PELP1: variants seen among roughly 807,000 people sequenced by gnomAD.
PELP1 encodes the protein proline, glutamate and leucine rich protein 1.
A neutral mutation model predicts 95.5 loss-of-function variants in PELP1; 32 were observed. That is an observed-to-expected ratio of 0.34 (90% CI 0.25 to 0.45). The LOEUF is 0.45. PELP1 is among the 20% of genes least tolerant of loss of function. PELP1 has a pLI of 1.00. For missense variants in PELP1, 1,358 were observed against 1,444.8 expected (o/e 0.94, Z 0.97); for synonymous variants, 668 against 600.1 (o/e 1.11, Z -1.65).
In PELP1 at chr17:4,675,259, C is replaced by T; in HGVS notation, c.1157+15G>A. On this transcript the variant is annotated intron_variant, in intron 10 of 16. Coordinates refer to ENST00000572293, the MANE Select transcript of PELP1 (RefSeq NM_014389.3). This position sits in a 1 kb window ranked among gnomAD's most constrained non-coding sequence, Gnocchi z 4.3. The stretch of plus-strand genomic sequence containing the variant: ...CGCCCTATCCCTTCACCACAGCCAG[C>T]CCAATCCCACTCACGCGAGGATGAG... 2 of 1,587,830 alleles carry T rather than the reference C, an allele frequency of 1.3e-6. No homozygotes were observed. The highest frequency in any genetic ancestry group is 2.3e-5 in the East Asian group (1 of 43,454).
rs914083113 is a variant in PELP1 at position 4,672,372 on chromosome 17, G to A, written c.2619C>T (p.Ala873=). ...EGTPGGGGPP[A]LEEDLTVINI... is the part of the protein sequence containing the mutation. The stretch of plus-strand genomic sequence containing the variant: ...TAATAACTGTCAAATCCTCTTCCAG[G>A]GCTGGGGGTCCTCCCCCACCAGGAG... The change falls in exon 16 of 17, where the codon GCC becomes GCT. Residue 873 remains alanine (A), a synonymous_variant. Coordinates refer to ENST00000572293, the MANE Select transcript of PELP1 (RefSeq NM_014389.3). 7.1e-6 allele frequency: 11 copies of A among 1,553,904 alleles called. No homozygotes were observed. The highest frequency in any genetic ancestry group is 9.6e-6 in the Non-Finnish European group (11 of 1,148,280).
intron 7 of PELP1, 73 bp from the exon 8 acceptor site, chr17:4,676,235 T>C (rs1434344267): frequency 6.3e-7 from 1 of 1,593,084 alleles, no homozygotes; most frequent in Admixed American, 1.7e-5. Context: ...GTGGACGACC[T>C]GCCTGTATTC....
chr17:4,693,548 G>C (rs1951242889), intron 1 of PELP1, among the ~76,000 whole-genome samples: 1 of 152,058 alleles, frequency 6.6e-6, no homozygotes, highest in Non-Finnish European at 1.5e-5. Flanking sequence ...TTACGCTTTG[G>C]GCCATTATGA....
chr17:4,676,237 C>A, intron 7 of PELP1, 75 bp from the exon 8 acceptor site: 1 of 1,591,468 alleles, frequency 6.3e-7, no homozygotes. Context: ...GGACGACCTG[C>A]CTGTATTCTA....
intron 1 of PELP1, among the ~76,000 whole-genome samples, chr17:4,701,781 A>G (rs1010450838): frequency 2.0e-5 from 3 of 152,238 alleles, no homozygotes; most frequent in Non-Finnish European, 4.4e-5. Context: ...TACGTAAAAC[A>G]TAACAGATAC....
chr17:4,673,621 T>C lies in PELP1; in HGVS notation c.1636A>G (p.Arg546Gly). Reference protein sequence around the residue: ...CGPLIKEETHRRLHDLVLPLV... With the variant: ...CGPLIKEETHGRLHDLVLPLV... ...CACGGAGACGAGGCTCCACTAACCCTGTGAGTCTCCTCCTTGATGAGAGGC... is the reference window on the plus strand; with the variant it reads ...CACGGAGACGAGGCTCCACTAACCCCGTGAGTCTCCTCCTTGATGAGAGGC... Residue 546 changes from arginine to glycine, a missense_variant and splice_region_variant, in exon 14 of 17, where the codon AGG becomes GGG. Physicochemically the swap from Arg to Gly is moderately radical, Grantham distance 125. Coordinates refer to ENST00000572293, the MANE Select transcript of PELP1 (RefSeq NM_014389.3). The surrounding 1 kb of genome is among the most constrained non-coding windows in gnomAD (Gnocchi z 5.7). The C allele has an allele frequency of 6.2e-7, 1 of 1,613,416 alleles. No individual in the cohort carries two copies. Among genetic ancestry groups the C allele is most frequent in the Middle Eastern group, 1.7e-4 (1 of 6,060 alleles).
chr17:4,671,282 C>T lies in PELP1; in HGVS notation c.*157G>A. ...CTCTGGATCGTCAAAAAGAGGACAG[C>T]TATGGAGACATCTGGGGAATACTAT... On this transcript the variant is annotated 3_prime_UTR_variant, in exon 17 of 17. Transcript: ENST00000572293. 3.2e-6 allele frequency: 2 copies of T among 624,628 alleles called. No individual in the cohort carries two copies. The highest frequency in any genetic ancestry group is 3.8e-5 in the South Asian group (2 of 52,996). The allele number at this position is 624,628 out of a possible 1,614,324, so 38.7% of individuals were successfully genotyped here. A position where few individuals can be genotyped will look rare whatever the true frequency, so the allele number is the denominator to read the frequency against.
At chr17:4,685,899 C>T (rs532493026) in intron 3 of PELP1, among the ~76,000 whole-genome samples, 14 of 152,132 alleles carry the variant, frequency 9.2e-5, no homozygotes, top group African/African-American at 3.4e-4. Flanking sequence ...GAGTTCAAGA[C>T]CAGCCTGGCC....
Position 4,676,825 on chromosome 17 carries a change from GA to G in PELP1, c.643-14del, listed in dbSNP as rs1173027535. Reference sequence around the variant, plus strand: ...AGGCCAGCTTGCCCTGGATGTGGAGGAAAAAAGGAAGAGGCCAGTGAGCCAG... The same window carrying G: ...AGGCCAGCTTGCCCTGGATGTGGAGGAAAAAGGAAGAGGCCAGTGAGCCAG... On this transcript the variant is annotated splice_polypyrimidine_tract_variant and intron_variant, in intron 5 of 16. Transcript: ENST00000572293. 1 of 1,555,634 alleles carries G rather than the reference GA, an allele frequency of 6.4e-7. No individual in the cohort carries two copies.
Position 4,676,105 on chromosome 17 carries a change from T to C in PELP1, c.911A>G (p.Asp304Gly). ...CCGAAGCTGGAGAAGGACATGGGCATCACCATCTTCTGAGGACAGCAGCAT... is the reference window on the plus strand; with the variant it reads ...CCGAAGCTGGAGAAGGACATGGGCACCACCATCTTCTGAGGACAGCAGCAT... ...VEMLLSSEDG[D>G]AHVLLQLRQR... is the part of the protein sequence containing the mutation. Residue 304 changes from aspartate to glycine, a missense_variant, in exon 8 of 17, where the codon GAT becomes GGT. Around this residue, in one of 7 missense-constraint regions of PELP1, gnomAD observed 538 missense variants for 628.1 expected, o/e 0.86. Coordinates refer to ENST00000572293, the MANE Select transcript of PELP1 (RefSeq NM_014389.3). The C allele has an allele frequency of 6.2e-7, 1 of 1,614,010 alleles. No homozygotes were observed. The highest frequency in any genetic ancestry group is 8.5e-7 in the Non-Finnish European group (1 of 1,179,886).
rs537199671 is a variant in PELP1 at position 4,676,439 on chromosome 17, G to A, written c.771C>T (p.Thr257=). Residue 257 remains threonine, a synonymous_variant, in exon 7 of 17, where the codon ACC becomes ACT. Transcript: ENST00000572293. ...TGTGTAGCTCCTGCTCCCAGCTCTCGGTGTGCTTCAGGCCTTGGGAAAAGC... is the reference window on the plus strand; with the variant it reads ...TGTGTAGCTCCTGCTCCCAGCTCTCAGTGTGCTTCAGGCCTTGGGAAAAGC... The part of the protein sequence containing the change: ...GAGFSQGLKH[T]ESWEQELHSL... 2.5e-5 allele frequency: 40 copies of A among 1,613,740 alleles called. No individual in the cohort carries two copies. Among genetic ancestry groups the A allele is most frequent in the East Asian group, 1.6e-4 (7 of 44,872 alleles).
intron 13 of PELP1, 139 bp downstream of exon 13, chr17:4,674,371 T>A (rs1308697899): frequency 4.2e-6 from 3 of 721,212 alleles, no homozygotes; most frequent in Non-Finnish European, 6.8e-6. Flanking sequence ...GGATCACTTA[T>A]CGCAGTGGAC....
intron 3 of PELP1, among the ~76,000 whole-genome samples, chr17:4,685,202 G>C (rs1912862007): frequency 6.6e-6 from 1 of 152,076 alleles, no homozygotes; most frequent in South Asian, 2.1e-4. Context: ...TACCACCCGT[G>C]CCGCTAATCT....
At chr17:4,700,730 G>C (rs1217860092) in intron 1 of PELP1, among the ~76,000 whole-genome samples, 1 of 151,776 alleles carries the variant, frequency 6.6e-6, no homozygotes, top group Non-Finnish European at 1.5e-5. Flanking sequence ...TTCAAGACCA[G>C]CCTGGACAAC....
intron 3 of PELP1, among the ~76,000 whole-genome samples, chr17:4,683,577 G>A (rs577085950): frequency 1.6e-4 from 20 of 126,994 alleles, no homozygotes; most frequent in Non-Finnish European, 2.7e-4. Context: ...GTCCCCCAGG[G>A]TGGAATGCAC....
intron 1 of PELP1, among the ~76,000 whole-genome samples, chr17:4,697,119 G>C (rs941696312): frequency 3.3e-5 from 5 of 152,172 alleles, no homozygotes; most frequent in Admixed American, 1.3e-4. Flanking sequence ...ACAGTGCAAG[G>C]CCTGGGTTGT....
rs1331481089 is a variant in PELP1 at position 4,671,210 on chromosome 17, C to T, written c.*229G>A. On this transcript the variant is annotated 3_prime_UTR_variant, in exon 17 of 17. Coordinates refer to ENST00000572293, the MANE Select transcript of PELP1 (RefSeq NM_014389.3). ...CAGAATCCTACAATTCTGACACCAT[C>T]GTGCTGAGTGATGGGACAGTCCATT... 5.3e-6 allele frequency: 3 copies of T among 568,048 alleles called. No homozygotes were observed. Among genetic ancestry groups the T allele is most frequent in the Middle Eastern group, 4.6e-4 (1 of 2,168 alleles). The allele number at this position is 568,048 out of a possible 1,614,324, so 35.2% of individuals were successfully genotyped here.
chr17:4,704,026 G>A lies in PELP1; in HGVS notation c.86C>T (p.Ser29Leu), dbSNP rs978807448. 4.3e-6 allele frequency: 7 copies of A among 1,613,014 alleles called. No individual in the cohort carries two copies. Among genetic ancestry groups the A allele is most frequent in the Non-Finnish European group, 5.9e-6 (7 of 1,179,718 alleles). Residue 29 changes from serine (S) to leucine (L), a missense_variant, in exon 1 of 17, where the codon TCG becomes TTG. By Grantham distance (145) the Ser-to-Leu change is moderately radical (BLOSUM62 -2). Transcript: ENST00000572293. The stretch of plus-strand genomic sequence containing the variant: ...CAGCAGCAGGCGGAGCCGCGGGCCC[G>A]AGCTCACTGCCGAGAGACCCCCGGT... The part of the protein sequence containing the change: ...GGTGGLSAVS[S>L]GPRLRLLLLE...
Position 4,672,545 on chromosome 17 carries a change from G to T in PELP1, c.2446C>A (p.Pro816Thr). ...ATPPPIAPTG[P>T]PTASPPVPAK... The stretch of plus-strand genomic sequence containing the variant: ...GGCACAGGAGGGGAGGCTGTTGGTG[G>T]CCCAGTGGGGGCTATAGGGGGTGGT... Residue 816 changes from proline to threonine, a missense_variant, in exon 16 of 17, where the codon CCA becomes ACA. Physicochemically the swap from Pro to Thr is conservative, Grantham distance 38 (BLOSUM62 -1). Coordinates refer to ENST00000572293, the MANE Select transcript of PELP1 (RefSeq NM_014389.3). 7.7e-7 allele frequency: 1 copy of T among 1,297,218 alleles called. No homozygotes were observed. The allele number at this position is 1,297,218 out of a possible 1,614,324, so 80.4% of individuals were successfully genotyped here.
Sources: allele counts gnomAD v4.1 joint callset (sites outside exome capture counted in the v4.1 genomes callset), GRCh38; gene constraint gnomAD v4.1.1; regional missense constraint gnomAD v4.1.1; non-coding constraint Gnocchi (gnomAD v3.1); transcripts MANE v1.5; gene names NCBI Gene and HGNC (gene_info 2026-07-23, HGNC 2026-07-21).